The following UST variants were observed in gnomAD, a reference collection of about 807,000 sequenced individuals.
UST encodes the protein uronyl 2-sulfotransferase, also known as chondroitin sulfate 2-O-sulfotransferase.
UST carries 21 observed loss-of-function variants against 45.6 expected under a neutral mutation model. The observed-to-expected ratio is 0.46, with a 90% CI of 0.33 to 0.66. The LOEUF (loss-of-function observed/expected upper bound fraction) is 0.66. Among genes scored for constraint, UST ranks in the 30% least tolerant of loss-of-function variants. UST has a pLI of 0.02. For missense variants in UST, 463 were observed against 512.4 expected (o/e 0.90, Z 0.93); for synonymous variants, 215 against 200.6 (o/e 1.07, Z -0.61).
chr6:148,983,167 A>G (rs752632221), intron 5 of UST, among the ~76,000 whole-genome samples: 21 of 152,370 alleles, frequency 1.4e-4, no homozygotes, highest in Middle Eastern at 3.4e-3. Context: ...CACCTCATTA[A>G]GTCAACCGTC....
intron 1 of UST, among the ~76,000 whole-genome samples, chr6:148,755,253 T>C (rs767479300): frequency 6.6e-6 from 1 of 152,224 alleles, no homozygotes; most frequent in Non-Finnish European, 1.5e-5. Flanking sequence ...TGTATTCATG[T>C]TGTGGTATAA....
At chr6:148,910,215 AC>A (rs1209521117) in intron 2 of UST, among the ~76,000 whole-genome samples, 1 of 140,120 alleles carries the variant, frequency 7.1e-6, no homozygotes, top group East Asian at 2.1e-4. Context: ...ATCTTGGCTC[AC>A]CACAACCTCC....
chr6:148,779,186 A>G (rs996426031), intron 1 of UST, among the ~76,000 whole-genome samples: 7 of 150,228 alleles, frequency 4.7e-5, no homozygotes, highest in African/African-American at 7.4e-5. Context: ...CAGAAACATC[A>G]CTGTACTTCT....
At chr6:148,752,238 ATC>A (rs1243167270) in intron 1 of UST, among the ~76,000 whole-genome samples, 1 of 152,214 alleles carries the variant, frequency 6.6e-6, no homozygotes, top group Non-Finnish European at 1.5e-5. Flanking sequence ...AGAGGTCCAT[ATC>A]TGTTACAAAA....
intron 5 of UST, among the ~76,000 whole-genome samples, chr6:148,997,972 C>A (rs1229986771): frequency 6.6e-6 from 1 of 152,046 alleles, no homozygotes; most frequent in African/African-American, 2.4e-5. Context: ...CTGTTTATAC[C>A]CTGGATAACC....
At chr6:149,014,820 A>G (rs1450224044) in intron 5 of UST, among the ~76,000 whole-genome samples, 1 of 152,206 alleles carries the variant, frequency 6.6e-6, no homozygotes, top group Non-Finnish European at 1.5e-5. Context: ...CTGGCCCTGC[A>G]TATCAAATGC....
intron 5 of UST, chr6:149,005,327 T>C: frequency 1.0e-6 from 1 of 985,334 alleles, no homozygotes; most frequent in Non-Finnish European, 1.2e-6. Context: ...TTGGAGAGGG[T>C]TGAGCGGCCC....
intron 1 of UST, among the ~76,000 whole-genome samples, chr6:148,874,349 G>GA (rs1249529043): frequency 1.3e-5 from 2 of 152,118 alleles, no homozygotes; most frequent in African/African-American, 2.4e-5. Flanking sequence ...AGATTTAATG[G>GA]AAAAAAAGAT....
At chr6:149,059,402 G>A (rs1159684103) in intron 7 of UST, among the ~76,000 whole-genome samples, 5 of 152,202 alleles carry the variant, frequency 3.3e-5, no homozygotes, top group South Asian at 2.1e-4. Context: ...AGAAGGACAC[G>A]AAAGGTGGAC....
At chr6:149,054,409 A>G (rs1209700311) in intron 7 of UST, among the ~76,000 whole-genome samples, 20 of 152,200 alleles carry the variant, frequency 1.3e-4, no homozygotes, top group Admixed American at 1.3e-3. Flanking sequence ...TTGATGTTCA[A>G]CCACATCATC....
chr6:149,042,989 TTCTTTCTTTCTTTCTTTCTTTCTTTC>T, intron 7 of UST, among the ~76,000 whole-genome samples: 1 of 117,226 alleles, frequency 8.5e-6, no homozygotes. Flanking sequence ...CTTTCTTTCT[TTCTTTCTTTCTTTCTTTCTTTCTTTC>T]TTTCTTTTTC....
At chr6:148,921,245 C>G (rs1440954473) in intron 2 of UST, among the ~76,000 whole-genome samples, 1 of 152,154 alleles carries the variant, frequency 6.6e-6, no homozygotes, top group African/African-American at 2.4e-5. Context: ...AGAGCTCCTG[C>G]CTGTAGTCTC....
chr6:148,838,721 C>A (rs1001916677), intron 1 of UST, among the ~76,000 whole-genome samples: 1 of 152,060 alleles, frequency 6.6e-6, no homozygotes, highest in Non-Finnish European at 1.5e-5. Context: ...ATAATAAGAT[C>A]CCTGTCACCC....
chr6:148,771,972 T>C (rs1017668184), intron 1 of UST, among the ~76,000 whole-genome samples: 1 of 152,228 alleles, frequency 6.6e-6, no homozygotes, highest in Non-Finnish European at 1.5e-5. Flanking sequence ...TAGAGAATCA[T>C]AGGGACAATA....
At chr6:148,911,578 A>T (rs1447552510) in intron 2 of UST, among the ~76,000 whole-genome samples, 1 of 152,196 alleles carries the variant, frequency 6.6e-6, no homozygotes, top group African/African-American at 2.4e-5. Context: ...TACTCTTTAG[A>T]ATTCCACATC....
chr6:149,041,455 G>A (rs1776312964), intron 7 of UST, among the ~76,000 whole-genome samples: 1 of 152,210 alleles, frequency 6.6e-6, no homozygotes, highest in African/African-American at 2.4e-5. Context: ...CCAAGGAAGA[G>A]ACCTGGAGCT....
intron 1 of UST, among the ~76,000 whole-genome samples, chr6:148,866,879 C>T (rs576234260): frequency 7.2e-5 from 8 of 111,344 alleles, no homozygotes; most frequent in East Asian, 2.7e-4. Flanking sequence ...TATCTTTTTA[C>T]GACCTCCACA....
intron 2 of UST, among the ~76,000 whole-genome samples, chr6:148,897,206 C>T (rs1257204908): frequency 2.0e-5 from 3 of 152,066 alleles, no homozygotes; most frequent in East Asian, 3.9e-4. Flanking sequence ...CTCACACTGT[C>T]GTCCAGGCTG....
chr6:148,884,873 T>C (rs914050382), intron 1 of UST, among the ~76,000 whole-genome samples: 4 of 151,974 alleles, frequency 2.6e-5, no homozygotes, highest in Admixed American at 1.3e-4. Context: ...ACCTATAGCA[T>C]AGGGGAAAAA....
Sources: allele counts gnomAD v4.1 joint callset (sites outside exome capture counted in the v4.1 genomes callset), GRCh38; gene constraint gnomAD v4.1.1; transcripts MANE v1.5; gene names NCBI Gene and HGNC (gene_info 2026-07-23, HGNC 2026-07-21).